BAIAP2L1: variants seen among roughly 807,000 people sequenced by gnomAD.
The protein encoded by BAIAP2L1 is BAR/IMD domain containing adaptor protein 2 like 1, also known as BAR/IMD domain-containing adapter protein 2-like 1.
Under a neutral mutation model 66.3 loss-of-function variants are expected in BAIAP2L1, and 35 were observed. The ratio of observed to expected loss-of-function variants is 0.53; its 90% CI spans 0.40 to 0.70. The LOEUF is 0.70. BAIAP2L1 is among the 30% of genes least tolerant of loss of function. BAIAP2L1 has a pLI of 0.00. For missense variants in BAIAP2L1, 622 were observed against 656.9 expected (o/e 0.95, Z 0.58); for synonymous variants, 269 against 248.7 (o/e 1.08, Z -0.77).
intron 12 of BAIAP2L1, among the ~76,000 whole-genome samples, chr7:98,294,421 C>T (rs10237767): frequency 3.7e-3 from 566 of 152,332 alleles, no homozygotes; most frequent in African/African-American, 0.013. Flanking sequence ...GAACAGAAAA[C>T]GCTCTGAAAG....
intron 3 of BAIAP2L1, among the ~76,000 whole-genome samples, chr7:98,335,769 G>A (rs1178728812): frequency 6.6e-6 from 1 of 152,108 alleles, no homozygotes; most frequent in Non-Finnish European, 1.5e-5. Context: ...AGATGCCCCT[G>A]AAGGACCACC....
chr7:98,330,651 T>G (rs966898566), intron 3 of BAIAP2L1, among the ~76,000 whole-genome samples: 1 of 152,026 alleles, frequency 6.6e-6, no homozygotes, highest in Non-Finnish European at 1.5e-5. Context: ...AGCAAAACTG[T>G]TTCAAAAAAA....
At chr7:98,342,446 A>G (rs781132423) in intron 3 of BAIAP2L1, among the ~76,000 whole-genome samples, 4 of 152,330 alleles carry the variant, frequency 2.6e-5, no homozygotes, top group Non-Finnish European at 5.9e-5. Context: ...GTAGTTTTTA[A>G]AAATTGCATG....
intron 10 of BAIAP2L1, chr7:98,307,382 A>T: frequency 1.7e-6 from 2 of 1,187,642 alleles, no homozygotes; most frequent in Non-Finnish European, 2.1e-6. Flanking sequence ...CTGGGATTAC[A>T]AGCATGAGCC....
intron 12 of BAIAP2L1, among the ~76,000 whole-genome samples, chr7:98,299,400 C>T (rs942462134): frequency 6.6e-6 from 1 of 152,136 alleles, no homozygotes; most frequent in South Asian, 2.1e-4. Context: ...TCAAATGATC[C>T]TCCCGCCTCG....
chr7:98,316,871 T>TC (rs1442374366), intron 6 of BAIAP2L1, among the ~76,000 whole-genome samples: 6 of 152,086 alleles, frequency 3.9e-5, no homozygotes, highest in Admixed American at 1.3e-4. Flanking sequence ...TCAAAACTTT[T>TC]TTTTTTTTTT....
intron 1 of BAIAP2L1, among the ~76,000 whole-genome samples, chr7:98,365,949 G>A (rs893208082): frequency 2.0e-5 from 3 of 152,268 alleles, no homozygotes; most frequent in South Asian, 2.1e-4. Flanking sequence ...CCTCAAACGT[G>A]TGGTGATCCC....
chr7:98,382,205 G>A (rs1046983283), intron 1 of BAIAP2L1, among the ~76,000 whole-genome samples: 1 of 152,120 alleles, frequency 6.6e-6, no homozygotes, highest in Non-Finnish European at 1.5e-5. Flanking sequence ...ATAGGCGTGA[G>A]CAACCGTGCC....
At chr7:98,356,219 A>G (rs1428710540) in intron 2 of BAIAP2L1, among the ~76,000 whole-genome samples, 1 of 152,182 alleles carries the variant, frequency 6.6e-6, no homozygotes, top group Non-Finnish European at 1.5e-5. Context: ...CAGATGAACA[A>G]ATGGAAGCTG....
chr7:98,322,292 AC>A, intron 3 of BAIAP2L1, among the ~76,000 whole-genome samples: 1 of 152,246 alleles, frequency 6.6e-6, no homozygotes, highest in Non-Finnish European at 1.5e-5. Context: ...GACACTGGCC[AC>A]CCAGGCTTCC....
chr7:98,343,227 G>C (rs1381062324), intron 3 of BAIAP2L1, among the ~76,000 whole-genome samples: 1 of 144,904 alleles, frequency 6.9e-6, no homozygotes, highest in Middle Eastern at 3.3e-3. Flanking sequence ...GTGAAACCCT[G>C]TCTCTACTGG....
chr7:98,363,688 T>C (rs1296794315), intron 1 of BAIAP2L1, among the ~76,000 whole-genome samples: 1 of 152,070 alleles, frequency 6.6e-6, no homozygotes, highest in Non-Finnish European at 1.5e-5. Flanking sequence ...CTAGGAACAA[T>C]AAGCTTCATG....
At chr7:98,301,597 G>A (rs932815585) in intron 12 of BAIAP2L1, among the ~76,000 whole-genome samples, 4 of 152,120 alleles carry the variant, frequency 2.6e-5, no homozygotes, top group South Asian at 2.1e-4. Flanking sequence ...GATTACAGGC[G>A]TGAGCCACCG....
rs1442669535 is a variant in BAIAP2L1, at chr7:98,355,137, A to G, written c.128-9T>C. On this transcript the variant is annotated splice_polypyrimidine_tract_variant and intron_variant, in intron 2 of 13. Coordinates refer to ENST00000005260, the MANE Select transcript of BAIAP2L1 (RefSeq NM_018842.5). ...TCCTGCCAGGATCATAGCTAGACAC[A>G]AAAGGTGACACACAAAATCGTCACT... 6 of 1,592,140 alleles carry G rather than the reference A, an allele frequency of 3.8e-6. No homozygotes were observed. The highest frequency in any genetic ancestry group is 2.2e-5 in the East Asian group (1 of 44,718).
At chr7:98,353,491 TAC>T (rs1038868665) in intron 3 of BAIAP2L1, among the ~76,000 whole-genome samples, 1 of 132,260 alleles carries the variant, frequency 7.6e-6, no homozygotes, top group Non-Finnish European at 1.5e-5. Flanking sequence ...ACATTATAAA[TAC>T]ACATATATTT....
At chr7:98,389,404 C>T (rs889264057) in intron 1 of BAIAP2L1, among the ~76,000 whole-genome samples, 9 of 152,126 alleles carry the variant, frequency 5.9e-5, no homozygotes, top group South Asian at 2.1e-4. Context: ...CTGCAACCTC[C>T]GCCTCCCAGG....
chr7:98,320,502 C>T (rs1635609), intron 3 of BAIAP2L1, among the ~76,000 whole-genome samples: 121,656 of 152,146 alleles, frequency 0.8, 48,757 homozygotes, highest in Middle Eastern at 0.83. Context: ...GCCTGGCTAA[C>T]TTTTTGCATT....
At chr7:98,324,974 G>C (rs1801343726) in intron 3 of BAIAP2L1, among the ~76,000 whole-genome samples, 1 of 152,226 alleles carries the variant, frequency 6.6e-6, no homozygotes, top group South Asian at 2.1e-4. Context: ...CAACGCCTGA[G>C]TCACGCACTA....
At chr7:98,378,517 C>G (rs1372144235) in intron 1 of BAIAP2L1, among the ~76,000 whole-genome samples, 1 of 152,242 alleles carries the variant, frequency 6.6e-6, no homozygotes, top group Non-Finnish European at 1.5e-5. Flanking sequence ...ATGGTGGCAA[C>G]CCCAGCCTCT....
Sources: gnomAD v4.1 joint callset for allele counts (sites outside exome capture counted in the v4.1 genomes callset) on GRCh38, gnomAD v4.1.1 for gene constraint, MANE v1.5 for transcripts, NCBI Gene and HGNC (gene_info 2026-07-23, HGNC 2026-07-21) for gene names.